Variants in PRH1 observed in about 807,000 individuals in gnomAD.
PRH1 encodes the protein proline rich protein HaeIII subfamily 1.
PRH1 carries 7 observed loss-of-function variants against 7.9 expected under a neutral mutation model. The observed-to-expected ratio is 0.89, with a 90% confidence interval of 0.50 to 1.67. The LOEUF (loss-of-function observed/expected upper bound fraction) is 1.67. Among genes scored for constraint, PRH1 ranks in the 40% most tolerant of loss-of-function variants. The pLI is 0.00. For missense variants in PRH1, 109 were observed against 223.6 expected (o/e 0.49, Z 3.27); for synonymous variants, 45 against 80.8 (o/e 0.56, Z 2.38).
At chr12:10,972,938 C>A (rs550969293) in intron 2 of PRH1, among the ~76,000 whole-genome samples, 2 of 127,446 alleles carry the variant, frequency 1.6e-5, no homozygotes, top group Non-Finnish European at 3.4e-5. Context: ...ACCCACCCCC[C>A]CCGCCCGCCC....
chr12:11,118,808 C>T (rs1441418890), downstream of PRH1, among the ~76,000 whole-genome samples: 1 of 152,062 alleles, frequency 6.6e-6, no homozygotes, highest in Non-Finnish European at 1.5e-5. Flanking sequence ...TCCTGGCCAA[C>T]ATGGTGAAAC....
chr12:10,919,840 T>A (rs910465040), intron 2 of PRH1, among the ~76,000 whole-genome samples: 2 of 152,004 alleles, frequency 1.3e-5, no homozygotes, highest in African/African-American at 4.8e-5. Context: ...TGTTTTGATT[T>A]TTTTAATAAT....
intron 1 of PRH1, among the ~76,000 whole-genome samples, chr12:10,980,226 T>G (rs1939288822): frequency 6.6e-6 from 1 of 152,180 alleles, no homozygotes; most frequent in African/African-American, 2.4e-5. Context: ...ACTTAAGAAC[T>G]ATGATTACTG....
intron 2 of PRH1, among the ~76,000 whole-genome samples, chr12:10,947,519 G>C (rs1418164145): frequency 6.6e-6 from 1 of 152,018 alleles, no homozygotes; most frequent in African/African-American, 2.4e-5. Context: ...GAGCCTATGA[G>C]TGTCATTAAA....
At chr12:11,030,511 G>A (rs376570973) in intron 1 of PRH1, 2 of 1,614,140 alleles carry the variant, frequency 1.2e-6, no homozygotes, top group Non-Finnish European at 1.7e-6. Context: ...GGATGAATGG[G>A]TGGATTGAAG....
intron 1 of PRH1, among the ~76,000 whole-genome samples, chr12:11,170,885 TG>T (rs1165980375): frequency 6.6e-6 from 1 of 152,208 alleles, no homozygotes; most frequent in African/African-American, 2.4e-5. Flanking sequence ...GTGCTTTTAT[TG>T]GCGTAGGAAT....
At chr12:10,914,036 CT>C (rs1949938279) in intron 2 of PRH1, among the ~76,000 whole-genome samples, 1 of 152,140 alleles carries the variant, frequency 6.6e-6, no homozygotes, top group South Asian at 2.1e-4. Flanking sequence ...AAACACCTAA[CT>C]TATGTGACAC....
At chr12:10,992,654 C>G (rs986448454) in intron 1 of PRH1, among the ~76,000 whole-genome samples, 1 of 152,158 alleles carries the variant, frequency 6.6e-6, no homozygotes, top group Non-Finnish European at 1.5e-5. Context: ...CTCAAGTGCT[C>G]CTCCCACCTC....
intron 2 of PRH1, chr12:10,965,227 G>A (rs1393708022): frequency 4.0e-6 from 6 of 1,483,888 alleles, no homozygotes; most frequent in African/African-American, 2.8e-5. Flanking sequence ...GGTCAGCAAA[G>A]GAGATCTTTT....
chr12:10,980,743 A>G (rs1939313282), intron 1 of PRH1, among the ~76,000 whole-genome samples: 1 of 152,198 alleles, frequency 6.6e-6, no homozygotes, highest in Non-Finnish European at 1.5e-5. Flanking sequence ...GAGACAAGAG[A>G]GAACTAGCAA....
chr12:10,939,280 TG>T, intron 2 of PRH1: 2 of 831,218 alleles, frequency 2.4e-6, no homozygotes, highest in Non-Finnish European at 3.6e-6. Flanking sequence ...TAAAATGCTA[TG>T]TATATCTGAT....
In PRH1 at chr12:10,931,054, C is replaced by T. The variant is rs564137929; in HGVS notation, c.-59+42601G>A. The T allele has an allele frequency of 1.5e-5, 23 of 1,581,544 alleles. No homozygotes were observed. The Admixed American group carries it at 2.2e-4, about 15-fold the overall frequency. On this transcript the variant is annotated intron_variant, in intron 2 of 3. Transcript: ENST00000539853. ...ACAAGGACCTCCACAGGGGCAGTCT[C>T]CTCAGTAATCTAGGATTCAATGATA...
At chr12:11,027,956 G>A (rs1057246862) in intron 1 of PRH1, among the ~76,000 whole-genome samples, 2 of 152,352 alleles carry the variant, frequency 1.3e-5, no homozygotes, top group Non-Finnish European at 1.5e-5. Flanking sequence ...AACTGTGGAC[G>A]TCATATGCTC....
At chr12:11,162,830 G>C (rs371799594) in intron 1 of PRH1, among the ~76,000 whole-genome samples, 2 of 152,158 alleles carry the variant, frequency 1.3e-5, no homozygotes, top group African/African-American at 2.4e-5. Context: ...TTGTAATGAA[G>C]AATACCCCCT....
At chr12:11,146,527 A>C (rs1946866156) in intron 1 of PRH1, among the ~76,000 whole-genome samples, 1 of 152,144 alleles carries the variant, frequency 6.6e-6, no homozygotes, top group Non-Finnish European at 1.5e-5. Flanking sequence ...CTAGATGTAT[A>C]ATTAGACTAG....
intron 1 of PRH1, among the ~76,000 whole-genome samples, chr12:11,103,133 C>A (rs530665245): frequency 1.3e-5 from 2 of 152,114 alleles, no homozygotes; most frequent in Non-Finnish European, 2.9e-5. Context: ...GACAGTGTGG[C>A]GATTCCTCAG....
intron 2 of PRH1, among the ~76,000 whole-genome samples, chr12:10,893,553 C>G (rs1341739153): frequency 6.6e-6 from 1 of 152,202 alleles, no homozygotes; most frequent in Non-Finnish European, 1.5e-5. Context: ...CAAAATTGCC[C>G]TGTGTGGAGA....
chr12:11,041,182 A>AC (rs1942691222), intron 1 of PRH1, among the ~76,000 whole-genome samples: 1 of 151,500 alleles, frequency 6.6e-6, no homozygotes, highest in Non-Finnish European at 1.5e-5. Context: ...AAACAAAACA[A>AC]AAAAAAACTC....
At chr12:11,061,367 A>G (rs1271254099) in intron 1 of PRH1, 3 of 1,611,350 alleles carry the variant, frequency 1.9e-6, no homozygotes, top group Non-Finnish European at 2.5e-6. Context: ...TTGTGAATCT[A>G]TGAAGATGAA....
Sources: allele counts gnomAD v4.1 joint callset (sites outside exome capture counted in the v4.1 genomes callset), GRCh38; gene constraint gnomAD v4.1.1; transcripts MANE v1.5; gene names NCBI Gene and HGNC (gene_info 2026-07-23, HGNC 2026-07-21).